Variants in ATRN observed in about 807,000 individuals in gnomAD.
ATRN encodes attractin-2.
Under a neutral mutation model 178.7 loss-of-function variants are expected in ATRN, and 54 were observed. The ratio of observed to expected loss-of-function variants is 0.30; its 90% CI spans 0.24 to 0.38. The LOEUF is 0.38. Among genes scored for constraint, ATRN ranks in the 10% least tolerant of loss-of-function variants. The probability of loss-of-function intolerance (pLI) is 1.00; values close to 1 mark genes in which losing one functional copy is unlikely to be tolerated. For missense variants in ATRN, 1,443 were observed against 1,815.1 expected (o/e 0.79, Z 3.73); for synonymous variants, 636 against 663.0 (o/e 0.96, Z 0.63).
chr20:3,532,881 A>G lies in ATRN; in HGVS notation c.411-2372A>G, dbSNP rs562121283. ...GGGTTCACGCTATTCTCCTGCCTCA[A>G]CCTCCCGAGTAGCTGGGACTACAGG... On this transcript the variant is annotated intron_variant, in intron 1 of 28. Transcript: ENST00000262919. Among the ~76,000 whole-genome samples the G allele has an allele frequency of 1.4e-4, 22 of 151,902 alleles. No homozygotes were observed. In the South Asian group the frequency reaches 4.6e-3, roughly 32 times the overall value.
intron 1 of ATRN, among the ~76,000 whole-genome samples, chr20:3,509,119 G>A (rs146797027): frequency 0.014 from 2,188 of 152,180 alleles, 16 homozygotes; most frequent in Non-Finnish European, 0.021. Flanking sequence ...AACAAATAGC[G>A]AGACAGTAGA....
Position 3,471,370 on chromosome 20 carries a change from C to T in ATRN, c.263C>T (p.Ala88Val), listed in dbSNP as rs1568672931. Residue 88 changes from alanine to valine, a missense_variant, in exon 1 of 29, where the codon GCG (alanine) becomes GTG (valine). Ala to Val is a moderately conservative substitution (Grantham distance 64). Transcript: ENST00000262919. ...PCEAEAAAAA[A>V]AVSGSAAAEA... ...GAGGCCGAGGCCGCGGCGGCGGCGG[C>T]GGCGGTGTCGGGCTCAGCCGCAGCC... The T allele has an allele frequency of 6.7e-7, 1 of 1,481,700 alleles. No individual in the cohort carries two copies. Among genetic ancestry groups the T allele is most frequent in the East Asian group, 2.9e-5 (1 of 34,784 alleles). The allele number at this position is 1,481,700 out of a possible 1,614,324, so 91.8% of individuals were successfully genotyped here. A position where few individuals can be genotyped will look rare whatever the true frequency, so the allele number is the denominator to read the frequency against.
Position 3,560,740 on chromosome 20 carries a change from A to G in ATRN, c.1282A>G (p.Asn428Asp). Residue 428 changes from asparagine to aspartate, a missense_variant, in exon 8 of 29, where the codon AAT (asparagine) becomes GAT (aspartate). Asn to Asp is a conservative substitution (Grantham distance 23). Coordinates refer to ENST00000262919, the MANE Select transcript of ATRN (RefSeq NM_139321.3). Reference sequence around the variant, plus strand: ...TGAGTTGAGAGTTTTTCACATTCATAATGAGTCATGGGTGTTGTTGACCCC... The same window carrying G: ...TGAGTTGAGAGTTTTTCACATTCATGATGAGTCATGGGTGTTGTTGACCCC... ...TNELRVFHIH[N>D]ESWVLLTPKA... The G allele has an allele frequency of 6.2e-7, 1 of 1,614,106 alleles. No individual in the cohort carries two copies. Among genetic ancestry groups the G allele is most frequent in the South Asian group, 1.1e-5 (1 of 91,076 alleles).
chr20:3,628,870 T>A, intron 25 of ATRN: 1 of 984,824 alleles, frequency 1.0e-6, no homozygotes, highest in Non-Finnish European at 1.2e-6. Flanking sequence ...ATCTTTTCTA[T>A]TCAGCCTCTC....
At chr20:3,586,306 A>C (rs1288575359) in intron 18 of ATRN, among the ~76,000 whole-genome samples, 1 of 152,212 alleles carries the variant, frequency 6.6e-6, no homozygotes, top group Non-Finnish European at 1.5e-5. Context: ...CTAAAAAAAC[A>C]TGCTATGTAA....
chr20:3,490,555 G>T (rs1372288685), intron 1 of ATRN: 1 of 1,106,496 alleles, frequency 9.0e-7, no homozygotes, highest in African/African-American at 1.5e-5. Flanking sequence ...CAGCTTCTCA[G>T]ATGCCTTCAC....
At chr20:3,605,499 T>G (rs2086665196) in intron 24 of ATRN, among the ~76,000 whole-genome samples, 1 of 152,150 alleles carries the variant, frequency 6.6e-6, no homozygotes, top group African/African-American at 2.4e-5. Flanking sequence ...AGACATAGAA[T>G]CAACCTAAAT....
chr20:3,491,160 A>G (rs531779412), intron 1 of ATRN, among the ~76,000 whole-genome samples: 3 of 152,284 alleles, frequency 2.0e-5, no homozygotes, highest in Non-Finnish European at 4.4e-5. Flanking sequence ...AAAAAAATCA[A>G]AAAAAACCCT....
rs770744107 is a variant in ATRN at position 3,634,377 on chromosome 20, C to G, written c.3930C>G (p.Ser1310=). ...AGATCAAACAAAGTTGTTGGGCCTCCAGACGTAGAGAGGTAAGCTTCAGTG... is the reference window on the plus strand; with the variant it reads ...AGATCAAACAAAGTTGTTGGGCCTCGAGACGTAGAGAGGTAAGCTTCAGTG... The part of the protein sequence containing the change: ...VWKIKQSCWA[S]RRREQLLREM... Residue 1310 remains serine, a synonymous_variant, in exon 26 of 29, where the codon TCC becomes TCG. Coordinates refer to ENST00000262919, the MANE Select transcript of ATRN (RefSeq NM_139321.3). The G allele has an allele frequency of 6.2e-7, 1 of 1,612,612 alleles. No individual in the cohort carries two copies. The highest frequency in any genetic ancestry group is 8.5e-7 in the Non-Finnish European group (1 of 1,178,980).
At chr20:3,544,019 T>C (rs543634792) in intron 3 of ATRN, among the ~76,000 whole-genome samples, 3 of 152,258 alleles carry the variant, frequency 2.0e-5, no homozygotes, top group Admixed American at 6.5e-5. Flanking sequence ...GGGCTAGACC[T>C]TGGGTCTAGC....
At chr20:3,569,043 CAA>C in intron 11 of ATRN, among the ~76,000 whole-genome samples, 1 of 152,276 alleles carries the variant, frequency 6.6e-6, no homozygotes, top group African/African-American at 2.4e-5. Flanking sequence ...TGTGTCAACT[CAA>C]ATTTTTTGCC....
At position 3,507,840 on chromosome 20, in the gene ATRN, G is replaced by A. The variant is rs571559519; in HGVS notation, c.411-27413G>A. On this transcript the variant is annotated intron_variant, in intron 1 of 28. Transcript: ENST00000262919. ...GCTGGGACTACAGGCGCGCCACCAC[G>A]CTCAGCTAATTTTTGTATTTTTAGT... Among the ~76,000 whole-genome samples the A allele has an allele frequency of 2.0e-3, 308 of 151,260 alleles. 1 individual carries two copies. Among genetic ancestry groups the A allele is most frequent in the African/African-American group, 7.1e-3 (293 of 41,208 alleles).
chr20:3,624,534 T>C lies in ATRN; in HGVS notation c.3825T>C (p.Asn1275=). 6.2e-7 allele frequency: 1 copy of C among 1,614,066 alleles called. No homozygotes were observed. Among genetic ancestry groups the C allele is most frequent in the Non-Finnish European group, 8.5e-7 (1 of 1,179,950 alleles). The change falls in exon 25 of 29, where the codon AAT becomes AAC. Residue 1275 remains asparagine, a synonymous_variant. Transcript: ENST00000262919. The part of the protein sequence containing the change: ...KIQIAFSQHS[N]FMDLVQFFVT... ...AGATTGCCTTCTCTCAGCACAGCAATTTTATGGACCTGGTACAGTTCTTCG... is the reference window on the plus strand; with the variant it reads ...AGATTGCCTTCTCTCAGCACAGCAACTTTATGGACCTGGTACAGTTCTTCG...
intron 1 of ATRN, among the ~76,000 whole-genome samples, chr20:3,531,597 T>C (rs999191233): frequency 6.6e-6 from 1 of 152,162 alleles, no homozygotes; most frequent in Non-Finnish European, 1.5e-5. Context: ...GTTTGAGAAA[T>C]TTCCGTAAGG....
intron 1 of ATRN, among the ~76,000 whole-genome samples, chr20:3,516,682 GCT>G (rs1376138766): frequency 1.3e-5 from 2 of 152,118 alleles, no homozygotes; most frequent in Admixed American, 6.6e-5. Context: ...CTACCTACTA[GCT>G]CTCTGGTTCT....
chr20:3,478,208 T>C (rs1196459479), intron 1 of ATRN, among the ~76,000 whole-genome samples: 1 of 152,204 alleles, frequency 6.6e-6, no homozygotes, highest in African/African-American at 2.4e-5. Context: ...CTTCACACTT[T>C]GTCATATCAG....
rs1431996903 is a variant in ATRN, at chr20:3,645,714, G to GCATT, written c.4166-1007_4166-1004dup. On this transcript the variant is annotated intron_variant, in intron 28 of 28. Coordinates refer to ENST00000262919, the MANE Select transcript of ATRN (RefSeq NM_139321.3). The surrounding 1 kb of genome is among the most constrained non-coding windows in gnomAD (Gnocchi z 4.7). The stretch of plus-strand genomic sequence containing the variant: ...TGGTGCCCTTTTCTAGGCTCCCAGA[G>GCATT]CATTCCCCACTGTGTGCCAGGCACT... Among the ~76,000 whole-genome samples the GCATT allele has an allele frequency of 6.6e-6, 1 of 152,144 alleles. No individual in the cohort carries two copies. The highest frequency in any genetic ancestry group is 1.5e-5 in the Non-Finnish European group (1 of 68,042).
intron 1 of ATRN, among the ~76,000 whole-genome samples, chr20:3,484,909 AATTATTATTATTATTATTATT>A (rs11470490): frequency 7.2e-4 from 104 of 143,972 alleles, no homozygotes; most frequent in African/African-American, 2.6e-3. Flanking sequence ...TGGATTTTAA[AATTATTATTATTATTATTATT>A]ATTATTATTA....
chr20:3,594,484 A>C lies in ATRN; in HGVS notation c.3328A>C (p.Lys1110Gln). Residue 1110 changes from lysine (K) to glutamine (Q), a missense_variant, in exon 20 of 29, where the codon AAG (lysine) becomes CAG (glutamine). Around this residue, in one of 4 missense-constraint regions of ATRN, gnomAD observed 289 missense variants for 440.8 expected, o/e 0.66. Transcript: ENST00000262919. The part of the protein sequence containing the change: ...PTNGGKCQPC[K>Q]CNGHASLCNT... ...TTCCTTTTTCTTCTCTGCAGCATGC[A>C]AGTGCAATGGGCACGCGTCTCTGTG... 6.2e-7 allele frequency: 1 copy of C among 1,606,316 alleles called. No individual in the cohort carries two copies. Among genetic ancestry groups the C allele is most frequent in the South Asian group, 1.1e-5 (1 of 90,222 alleles).
Sources: gnomAD v4.1 joint callset for allele counts (sites outside exome capture counted in the v4.1 genomes callset) on GRCh38, gnomAD v4.1.1 for gene constraint, gnomAD v4.1.1 regional missense constraint, Gnocchi (gnomAD v3.1) non-coding constraint, MANE v1.5 for transcripts, NCBI Gene and HGNC (gene_info 2026-07-23, HGNC 2026-07-21) for gene names.